Variants in CNTROB observed in about 807,000 individuals in gnomAD.
CNTROB encodes centrobin, centriole duplication and spindle assembly protein.
A neutral mutation model predicts 115.7 loss-of-function variants in CNTROB; 82 were observed. The observed-to-expected ratio is 0.71, with a 90% CI of 0.59 to 0.85. CNTROB has a LOEUF of 0.85. Ranked by LOEUF, CNTROB falls within the 40% of genes least tolerant of loss-of-function variation. CNTROB has a pLI of 0.00. For synonymous variants in CNTROB, 439 were observed against 456.4 expected, an observed-to-expected ratio of 0.96 and a Z score of 0.49; for missense variants, 1,014 against 1,144.4, an observed-to-expected ratio of 0.89 and a Z score of 1.64.
At chr17:7,932,190 A>G (rs908234715), upstream of CNTROB, 2 of 305,200 alleles carry the variant, frequency 6.6e-6, no homozygotes, top group Non-Finnish European at 1.3e-5. Flanking sequence ...TCGAGGCGAG[A>G]GAGGCGGAGC....
chr17:7,938,523 G>A (rs770395060), intron 7 of CNTROB, among the ~76,000 whole-genome samples: 24 of 152,232 alleles, frequency 1.6e-4, no homozygotes, highest in Non-Finnish European at 2.6e-4. Flanking sequence ...TTTTGACGAT[G>A]ATGGTGGTAA....
At position 7,949,625 on chromosome 17, in the gene CNTROB, G is replaced by C. The variant is rs1974994804; in HGVS notation, c.*115G>C. On this transcript the variant is annotated 3_prime_UTR_variant, in exon 19 of 19. Coordinates refer to ENST00000563694, the MANE Select transcript of CNTROB (RefSeq NM_053051.5). ...AATTTGGAAAATAGAGGTTTTGTAG[G>C]GAATCACTTCGTAAAGAAACCACAT... 2 of 1,103,536 alleles carry C rather than the reference G, an allele frequency of 1.8e-6. No individual in the cohort carries two copies. Among genetic ancestry groups the C allele is most frequent in the Non-Finnish European group, 2.5e-6 (2 of 814,644 alleles). 68.4% of individuals were successfully genotyped at this position (1,103,536 alleles called of 1,614,324 possible).
Position 7,944,504 on chromosome 17 carries a change from G to T in CNTROB, c.1600G>T (p.Glu534Ter). Residue 534 changes from glutamate to a stop codon, truncating the protein, a stop_gained, in exon 12 of 19, where the codon GAA (glutamate) becomes TAA (stop). Transcript: ENST00000563694. LOFTEE classifies it high-confidence loss of function. The surrounding 1 kb of genome is among the most constrained non-coding windows in gnomAD (Gnocchi z 4.0). ...RLAREQARVCELQSGNQQLEE... is the reference protein window; with the variant it reads ...RLAREQARVC ...GGCCCGGGAGCAAGCGCGAGTGTGCGAACTGCAGAGTGGGAACCAGCAGCT... is the reference window on the plus strand; with the variant it reads ...GGCCCGGGAGCAAGCGCGAGTGTGCTAACTGCAGAGTGGGAACCAGCAGCT... The T allele has an allele frequency of 6.2e-7, 1 of 1,613,962 alleles. No individual in the cohort carries two copies. The highest frequency in any genetic ancestry group is 2.2e-5 in the East Asian group (1 of 44,850).
chr17:7,939,593 A>G lies in CNTROB; in HGVS notation c.1008A>G (p.Ala336=), dbSNP rs757898540. The change falls in exon 8 of 19, where the codon GCA becomes GCG. Residue 336 remains alanine, a synonymous_variant. Coordinates refer to ENST00000563694, the MANE Select transcript of CNTROB (RefSeq NM_053051.5). The surrounding 1 kb of genome is among the most constrained non-coding windows in gnomAD (Gnocchi z 4.4). ...RCCVLQEERD[A]ARAGQLSEHR... ...GTGTCCTGCAGGAAGAGCGGGATGC[A>G]GCTCGGGCTGGGCAACTGAGTGAGC... is the stretch of plus-strand genomic sequence containing the variant. The G allele has an allele frequency of 1.9e-6, 3 of 1,614,150 alleles. No homozygotes were observed. In the South Asian group the frequency reaches 3.3e-5, roughly 18 times the overall value.
rs764942032 is a variant in CNTROB, at chr17:7,939,586, G to A, written c.1001G>A (p.Arg334Gln). 1.1e-4 allele frequency: 171 copies of A among 1,614,012 alleles called. No homozygotes were observed. The South Asian group carries it at 1.2e-3, about 12-fold the overall frequency. ...CGGTGCTGTGTCCTGCAGGAAGAGCGGGATGCAGCTCGGGCTGGGCAACTG... is the reference window on the plus strand; with the variant it reads ...CGGTGCTGTGTCCTGCAGGAAGAGCAGGATGCAGCTCGGGCTGGGCAACTG... ...QQRCCVLQEE[R>Q]DAARAGQLSE... The change falls in exon 8 of 19, where the codon CGG becomes CAG. Residue 334 changes from arginine (R) to glutamine (Q), a missense_variant. By Grantham distance (43) the Arg-to-Gln change is conservative. Coordinates refer to ENST00000563694, the MANE Select transcript of CNTROB (RefSeq NM_053051.5). The surrounding 1 kb of genome is among the most constrained non-coding windows in gnomAD (Gnocchi z 4.4).
In CNTROB at chr17:7,937,815, T is replaced by A. The variant is rs1396697869; in HGVS notation, c.927+553T>A. ...GAGACTCCATCTCAAAAAATAAAAATAAAAAATAAAATAAAATAAAGATTT... is the reference window on the plus strand; with the variant it reads ...GAGACTCCATCTCAAAAAATAAAAAAAAAAAATAAAATAAAATAAAGATTT... On this transcript the variant is annotated intron_variant, in intron 7 of 18. Transcript: ENST00000563694. Among the ~76,000 whole-genome samples, 3 of 151,734 alleles carry A rather than the reference T, an allele frequency of 2.0e-5. No homozygotes were observed. In the East Asian group the frequency reaches 5.8e-4, roughly 29 times the overall value.
In CNTROB at chr17:7,948,966, G is replaced by C; in HGVS notation, c.2514-119G>C. ...AATGTCTCCTCCCAGTTGATGCCCAGGTCTATCGAGTTTGATCTTATTCTT... is the reference window on the plus strand; with the variant it reads ...AATGTCTCCTCCCAGTTGATGCCCACGTCTATCGAGTTTGATCTTATTCTT... On this transcript the variant is annotated intron_variant, in intron 17 of 18. Coordinates refer to ENST00000563694, the MANE Select transcript of CNTROB (RefSeq NM_053051.5). The surrounding 1 kb of genome is among the most constrained non-coding windows in gnomAD (Gnocchi z 4.4). 1 of 1,586,092 alleles carries C rather than the reference G, an allele frequency of 6.3e-7. No homozygotes were observed. The highest frequency in any genetic ancestry group is 8.6e-7 in the Non-Finnish European group (1 of 1,164,482).
chr17:7,934,871 T>G (rs533223625), intron 3 of CNTROB, 118 bp from the exon 4 acceptor site: 1 of 1,169,964 alleles, frequency 8.5e-7, no homozygotes, highest in Admixed American at 2.8e-5. Flanking sequence ...CTTTACGACT[T>G]TGGACAAGTC....
intron 4 of CNTROB, 31 bp downstream of exon 4, chr17:7,935,176 G>A (rs1973006555): frequency 3.1e-6 from 5 of 1,613,116 alleles, no homozygotes; most frequent in African/African-American, 1.3e-5. Flanking sequence ...TTCGAAAGCA[G>A]CAAAGATTAG....
At chr17:7,947,349 T>C (rs1974666894) in intron 13 of CNTROB, among the ~76,000 whole-genome samples, 1 of 152,160 alleles carries the variant, frequency 6.6e-6, no homozygotes, top group Non-Finnish European at 1.5e-5. Flanking sequence ...CTTTCTTCTG[T>C]CTATATTTCT....
rs1285244219 is a variant in CNTROB at position 7,943,340 on chromosome 17, C to T, written c.1312-51C>T. 1.4e-6 allele frequency: 2 copies of T among 1,474,182 alleles called. No homozygotes were observed. The highest frequency in any genetic ancestry group is 2.3e-5 in the East Asian group (1 of 43,558). The allele number at this position is 1,474,182 out of a possible 1,614,324, so 91.3% of individuals were successfully genotyped here. ...TTGTCTACATTATATCCTCCATCCT[C>T]TTCTAAGCCCAAACAGATTTGGGCC... is the stretch of plus-strand genomic sequence containing the variant. On this transcript the variant is annotated intron_variant, in intron 9 of 18. Transcript: ENST00000563694. This position sits in a 1 kb window ranked among gnomAD's most constrained non-coding sequence, Gnocchi z 4.7.
chr17:7,944,353 T>C lies in CNTROB; in HGVS notation c.1571+105T>C. 1 of 1,554,346 alleles carries C rather than the reference T, an allele frequency of 6.4e-7. No individual in the cohort carries two copies. Among genetic ancestry groups the C allele is most frequent in the Middle Eastern group, 1.7e-4 (1 of 5,952 alleles). ...TGCTCCCTTGATTGATCTGTCCTCC[T>C]CTACATGGGCCCCAGCTCCTTTCAG... On this transcript the variant is annotated intron_variant, in intron 11 of 18. Transcript: ENST00000563694. This position sits in a 1 kb window ranked among gnomAD's most constrained non-coding sequence, Gnocchi z 4.0.
At position 7,936,318 on chromosome 17, in the gene CNTROB, G is replaced by A. The variant is rs376038865; in HGVS notation, c.595-48G>A. 4.9e-4 allele frequency: 406 copies of A among 829,322 alleles called. 1 individual carries two copies. Among genetic ancestry groups the A allele is most frequent in the Non-Finnish European group, 8.0e-5 (37 of 463,232 alleles). 51.4% of individuals were successfully genotyped at this position (829,322 alleles called of 1,614,324 possible). A position where few individuals can be genotyped will look rare whatever the true frequency, so the allele number is the denominator to read the frequency against. On this transcript the variant is annotated intron_variant, in intron 4 of 18. Transcript: ENST00000563694. ...AGGAGCTGGAAAGTTTGGTGCTGTG[G>A]TCATACCAAAGATGGGCAACACCCA...
rs372036258 is a variant in CNTROB, at chr17:7,947,865, C to T, written c.2146-51C>T. ...CAGCTTCTTCTCTCAGATCCCTGGGCGTTTTTCTCTATCAGTCCCTAGGGA... is the reference window on the plus strand; with the variant it reads ...CAGCTTCTTCTCTCAGATCCCTGGGTGTTTTTCTCTATCAGTCCCTAGGGA... On this transcript the variant is annotated intron_variant, in intron 14 of 18. Transcript: ENST00000563694. 2.0e-5 allele frequency: 32 copies of T among 1,607,068 alleles called. No individual in the cohort carries two copies. In the South Asian group the frequency reaches 3.2e-4, roughly 16 times the overall value.
chr17:7,936,400 G>A lies in CNTROB; in HGVS notation c.629G>A (p.Arg210Gln), dbSNP rs538691253. 4.5e-6 allele frequency: 7 copies of A among 1,554,546 alleles called. No individual in the cohort carries two copies. The highest frequency in any genetic ancestry group is 3.3e-5 in the South Asian group (3 of 89,888). Reference protein sequence around the residue: ...CERHIQSLQTRVLELQQQLAV... With the variant: ...CERHIQSLQTQVLELQQQLAV... ...CGCCATATTCAGAGCCTGCAGACCC[G>A]AGTGTTAGAGCTACAGCAACAATTA... Residue 210 changes from arginine (R) to glutamine (Q), a missense_variant, in exon 5 of 19, where the codon CGA becomes CAA. Transcript: ENST00000563694.
rs563064857 is a variant in CNTROB at position 7,947,086 on chromosome 17, G to A, written c.1994-485G>A. Among the ~76,000 whole-genome samples the A allele has an allele frequency of 7.9e-5, 12 of 151,776 alleles. No homozygotes were observed. In the South Asian group the frequency reaches 1.5e-3, roughly 18 times the overall value. On this transcript the variant is annotated intron_variant, in intron 13 of 18. Transcript: ENST00000563694. Reference sequence around the variant, plus strand: ...TGAGGCAGGAGAATGGTGTGAACCCGGGAGGCGGAGCTTGCAGTGAGCCGA... The same window carrying A: ...TGAGGCAGGAGAATGGTGTGAACCCAGGAGGCGGAGCTTGCAGTGAGCCGA...
In CNTROB at chr17:7,939,897, T is replaced by C. The variant is rs1210258951; in HGVS notation, c.1164+148T>C. On this transcript the variant is annotated intron_variant, in intron 8 of 18. Transcript: ENST00000563694. This position sits in a 1 kb window ranked among gnomAD's most constrained non-coding sequence, Gnocchi z 4.4. ...TGTGTGGGAGACAAGGTTGAGAGTA[T>C]AGGGCCAGCAGGAAGGGCTGGGGGT... 5 of 1,033,362 alleles carry C rather than the reference T, an allele frequency of 4.8e-6. No homozygotes were observed. In the East Asian group the frequency reaches 9.9e-5, roughly 20 times the overall value. 64.0% of individuals were successfully genotyped at this position (1,033,362 alleles called of 1,614,324 possible).
Position 7,933,027 on chromosome 17 carries a change from A to G in CNTROB, c.-53A>G, listed in dbSNP as rs1972687415. Reference sequence around the variant, plus strand: ...TGAACTTTTCCTCCTGGACTTTGCTAAAGCAGAACCTCCCAGCTCTTTGCT... The same window carrying G: ...TGAACTTTTCCTCCTGGACTTTGCTGAAGCAGAACCTCCCAGCTCTTTGCT... On this transcript the variant is annotated 5_prime_UTR_variant, in exon 1 of 19. Coordinates refer to ENST00000563694, the MANE Select transcript of CNTROB (RefSeq NM_053051.5). 1.6e-5 allele frequency: 25 copies of G among 1,577,128 alleles called. No individual in the cohort carries two copies. In the South Asian group the frequency reaches 2.8e-4, roughly 17 times the overall value.
At position 7,944,621 on chromosome 17, in the gene CNTROB, C is replaced by T; in HGVS notation, c.1717C>T (p.Pro573Ser). Residue 573 changes from proline (P) to serine (S), a missense_variant, in exon 12 of 19, where the codon CCG becomes TCG. Physicochemically the swap from Pro to Ser is moderately conservative, Grantham distance 74 (BLOSUM62 -1). Coordinates refer to ENST00000563694, the MANE Select transcript of CNTROB (RefSeq NM_053051.5). The surrounding 1 kb of genome is among the most constrained non-coding windows in gnomAD (Gnocchi z 4.0). ...EANQLLSTTL[P>S]PPNPPAPPAG... ...CAACCAGCTGCTCAGCACCACTCTC[C>T]CGCCGCCCAACCCTCCAGTACGCCT... is the stretch of plus-strand genomic sequence containing the variant. 6.2e-7 allele frequency: 1 copy of T among 1,610,560 alleles called. No homozygotes were observed. The highest frequency in any genetic ancestry group is 8.5e-7 in the Non-Finnish European group (1 of 1,177,636).
Sources: allele counts gnomAD v4.1 joint callset (sites outside exome capture counted in the v4.1 genomes callset), GRCh38; gene constraint gnomAD v4.1.1; non-coding constraint Gnocchi (gnomAD v3.1); transcripts MANE v1.5; gene names NCBI Gene and HGNC (gene_info 2026-07-23, HGNC 2026-07-21).